NDUFB5: variants seen among roughly 807,000 people sequenced by gnomAD.
The protein encoded by NDUFB5 is NADH dehydrogenase [ubiquinone] 1 beta subcomplex subunit 5, mitochondrial.
NDUFB5 carries 19 observed loss-of-function variants against 19.4 expected under a neutral mutation model. The ratio of observed to expected loss-of-function variants is 0.98; its 90% CI spans 0.68 to 1.43. NDUFB5 has a LOEUF of 1.43. NDUFB5 is among the 40% of genes most tolerant of loss of function. The pLI is 0.00. For missense variants in NDUFB5, 233 were observed against 236.5 expected, an observed-to-expected ratio of 0.99 and a Z score of 0.10; for synonymous variants, 80 against 82.6, an observed-to-expected ratio of 0.97 and a Z score of 0.17.
intron 1 of NDUFB5, among the ~76,000 whole-genome samples, chr3:179,610,045 T>A (rs1401031525): frequency 1.3e-5 from 2 of 152,206 alleles, no homozygotes; most frequent in Non-Finnish European, 2.9e-5. Context: ...CTCAAGTAGC[T>A]GGGACTACAG....
chr3:179,608,082 C>G (rs955472326), intron 1 of NDUFB5, among the ~76,000 whole-genome samples: 4 of 152,106 alleles, frequency 2.6e-5, no homozygotes, highest in Non-Finnish European at 5.9e-5. Flanking sequence ...CTCACTGCAA[C>G]CCCTGGCTTC....
chr3:179,606,166 G>A (rs762581955), intron 1 of NDUFB5, among the ~76,000 whole-genome samples: 5 of 152,144 alleles, frequency 3.3e-5, no homozygotes, highest in African/African-American at 4.8e-5. Flanking sequence ...AATAATCATA[G>A]CAAAGATCAA....
At chr3:179,623,818 T>G (rs1331991189) in intron 5 of NDUFB5, 102 bp from the exon 6 acceptor site, 2 of 1,422,564 alleles carry the variant, frequency 1.4e-6, no homozygotes, top group Admixed American at 3.6e-5. Flanking sequence ...CATTATACTT[T>G]ACATAAAAGC....
chr3:179,607,026 G>T (rs569831495), intron 1 of NDUFB5, among the ~76,000 whole-genome samples: 1 of 152,064 alleles, frequency 6.6e-6, no homozygotes, highest in Non-Finnish European at 1.5e-5. Flanking sequence ...TCAAATACTC[G>T]CTCTGGTAGT....
At chr3:179,608,575 C>T (rs923000499) in intron 1 of NDUFB5, among the ~76,000 whole-genome samples, 2 of 152,142 alleles carry the variant, frequency 1.3e-5, no homozygotes, top group Non-Finnish European at 2.9e-5. Flanking sequence ...TTACAGTTTT[C>T]CAGAGCTTGT....
At chr3:179,620,068 G>GT (rs1160289721) in intron 5 of NDUFB5, among the ~76,000 whole-genome samples, 1 of 152,046 alleles carries the variant, frequency 6.6e-6, no homozygotes, top group Non-Finnish European at 1.5e-5. Context: ...TTGTAAATTT[G>GT]TTTGAGTTCA....
intron 5 of NDUFB5, among the ~76,000 whole-genome samples, chr3:179,621,483 A>G (rs924814992): frequency 6.7e-6 from 1 of 148,464 alleles, no homozygotes; most frequent in African/African-American, 2.5e-5. Flanking sequence ...GTAACTAATA[A>G]TATTTTCTTT....
At chr3:179,616,596 T>C (rs886316444) in intron 3 of NDUFB5, among the ~76,000 whole-genome samples, 1 of 152,162 alleles carries the variant, frequency 6.6e-6, no homozygotes, top group East Asian at 1.9e-4. Flanking sequence ...TCAATGACAG[T>C]AAACATTAGA....
In NDUFB5 at chr3:179,625,572, T is replaced by TATATATAAG. The variant is rs1436800185; in HGVS notation, c.*1533_*1541dup. 6.6e-6 allele frequency: 1 copy of TATATATAAG among 152,186 alleles called. No individual in the cohort carries two copies. Among genetic ancestry groups the TATATATAAG allele is most frequent in the Non-Finnish European group, 1.5e-5 (1 of 68,030 alleles). The allele number at this position is 152,186 out of a possible 1,614,324, so 9.4% of individuals were successfully genotyped here. ...AAAATAAGATATAGCAAGTTAGAAG[T>TATATATAAG]ATATATAAGTATATTATTATATGTT... On this transcript the variant is annotated 3_prime_UTR_variant, in exon 6 of 6. Coordinates refer to ENST00000259037, the MANE Select transcript of NDUFB5 (RefSeq NM_002492.4).
rs1719663530 is a variant in NDUFB5 at position 179,626,146 on chromosome 3, T to TTA, written c.*2106_*2107insTA. The TTA allele has an allele frequency of 6.6e-6, 1 of 152,252 alleles. No homozygotes were observed. Among genetic ancestry groups the TTA allele is most frequent in the African/African-American group, 2.4e-5 (1 of 41,464 alleles). The allele number at this position is 152,252 out of a possible 1,614,324, so 9.4% of individuals were successfully genotyped here. A position where few individuals can be genotyped will look rare whatever the true frequency, so the allele number is the denominator to read the frequency against. On this transcript the variant is annotated 3_prime_UTR_variant, in exon 6 of 6. Transcript: ENST00000259037. ...ACATTTTAACTGGGGTGAGATATCT[T>TTA]AATGTGGTATTGGTTTACATTTCCC... is the stretch of plus-strand genomic sequence containing the variant.
chr3:179,607,856 TC>T lies in NDUFB5; in HGVS notation c.124+2921del. Reference sequence around the variant, plus strand: ...TATTTGTCTGTCACTTAGCATAATATCCCCAAGGCATATTTATGTCGTAGCA... The same window carrying T: ...TATTTGTCTGTCACTTAGCATAATATCCCAAGGCATATTTATGTCGTAGCA... On this transcript the variant is annotated intron_variant, in intron 1 of 5. Coordinates refer to ENST00000259037, the MANE Select transcript of NDUFB5 (RefSeq NM_002492.4). 3 of 697,266 alleles carry T rather than the reference TC, an allele frequency of 4.3e-6. No homozygotes were observed. In the South Asian group the frequency reaches 4.5e-5, roughly 11 times the overall value. 43.2% of individuals were successfully genotyped at this position (697,266 alleles called of 1,614,324 possible).
At position 179,608,066 on chromosome 3, in the gene NDUFB5, T is replaced by A. The variant is rs889043928; in HGVS notation, c.124+3127T>A. Among the ~76,000 whole-genome samples the A allele has an allele frequency of 1.2e-4, 19 of 152,266 alleles. 1 individual carries two copies. The highest frequency in any genetic ancestry group is 1.2e-3 in the South Asian group (6 of 4,830). ...TCCAGGCTAGAGTGCAGTGGCACCA[T>A]CTTGACTCACTGCAACCCCTGGCTT... On this transcript the variant is annotated intron_variant, in intron 1 of 5. Transcript: ENST00000259037.
intron 4 of NDUFB5, 38 bp from the exon 5 acceptor site, chr3:179,618,377 C>A: frequency 7.5e-7 from 1 of 1,333,510 alleles, no homozygotes; most frequent in Non-Finnish European, 1.1e-6. Flanking sequence ...AAGTATTATT[C>A]AGAAATGGAC....
In NDUFB5 at chr3:179,604,882, C is replaced by G. The variant is rs372766887; in HGVS notation, c.67C>G (p.Leu23Val). The change falls in exon 1 of 6, where the codon CTT (leucine) becomes GTT (valine). Residue 23 changes from leucine to valine, a missense_variant. Coordinates refer to ENST00000259037, the MANE Select transcript of NDUFB5 (RefSeq NM_002492.4). ...TAVAALSGRPLGTRLGFGGFL... is the reference protein window; with the variant it reads ...TAVAALSGRPVGTRLGFGGFL... ...GGTGGCAGCTCTGTCTGGCCGGCCC[C>G]TTGGCACTCGCCTCGGATTTGGGGG... 1 of 1,596,956 alleles carries G rather than the reference C, an allele frequency of 6.3e-7. No individual in the cohort carries two copies. The highest frequency in any genetic ancestry group is 2.2e-5 in the East Asian group (1 of 44,786).
At chr3:179,611,375 G>T (rs1719236484) in intron 1 of NDUFB5, among the ~76,000 whole-genome samples, 1 of 152,008 alleles carries the variant, frequency 6.6e-6, no homozygotes, top group Non-Finnish European at 1.5e-5. Flanking sequence ...CCTTTACTGG[G>T]AATGAGGGAA....
intron 1 of NDUFB5, 133 bp downstream of exon 1, chr3:179,605,072 A>T (rs1719045217): frequency 1.6e-6 from 2 of 1,289,556 alleles, no homozygotes; most frequent in African/African-American, 3.1e-5. Flanking sequence ...GACAGGAGAG[A>T]CGGAGCACGA....
chr3:179,616,522 A>G (rs551949132), intron 3 of NDUFB5, among the ~76,000 whole-genome samples: 171 of 152,232 alleles, frequency 1.1e-3, no homozygotes, highest in African/African-American at 3.7e-3. Flanking sequence ...AGCCCGGGCA[A>G]CAGAGTGAGA....
At position 179,626,239 on chromosome 3, in the gene NDUFB5, A is replaced by G. The variant is rs1719665715; in HGVS notation, c.*2199A>G. 1 of 151,802 alleles carries G rather than the reference A, an allele frequency of 6.6e-6. No homozygotes were observed. The highest frequency in any genetic ancestry group is 1.5e-5 in the Non-Finnish European group (1 of 67,964). 9.4% of individuals were successfully genotyped at this position (151,802 alleles called of 1,614,324 possible). The stretch of plus-strand genomic sequence containing the variant: ...ATATGTCTTCCTTTGAGAAATGTCT[A>G]TACAGATCTCTGGCCCTTTTTTTAA... On this transcript the variant is annotated 3_prime_UTR_variant, in exon 6 of 6. Transcript: ENST00000259037.
intron 1 of NDUFB5, among the ~76,000 whole-genome samples, chr3:179,608,033 C>G (rs1050351642): frequency 2.6e-5 from 4 of 152,114 alleles, no homozygotes; most frequent in Non-Finnish European, 5.9e-5. Context: ...CAGAGTCTTG[C>G]TCTGTCTTCC....
Sources: allele counts gnomAD v4.1 joint callset (sites outside exome capture counted in the v4.1 genomes callset), GRCh38; gene constraint gnomAD v4.1.1; transcripts MANE v1.5; gene names NCBI Gene and HGNC (gene_info 2026-07-23, HGNC 2026-07-21).